Variants in USH2A observed in about 807,000 individuals in gnomAD.
USH2A encodes Usher syndrome 2A (autosomal recessive, mild).
In USH2A, 443 loss-of-function variants were observed where a neutral mutation model predicts 538.9. That is an observed-to-expected ratio of 0.82 (90% confidence interval 0.76 to 0.89). USH2A has a LOEUF of 0.89. USH2A is among the 40% of genes least tolerant of loss of function. USH2A has a pLI of 0.00. For synonymous variants in USH2A, 2,413 were observed against 2,273.5 expected (o/e 1.06, Z -1.75); for missense variants, 6,633 against 6,324.8 (o/e 1.05, Z -1.65).
intron 9 of USH2A, among the ~76,000 whole-genome samples, chr1:216,313,235 T>C (rs1377910823): frequency 6.6e-6 from 1 of 152,158 alleles, no homozygotes; most frequent in Non-Finnish European, 1.5e-5. Context: ...GAAGTAATGA[T>C]AGCTCACCAG....
At chr1:215,826,994 T>C (rs1663176210) in intron 47 of USH2A, among the ~76,000 whole-genome samples, 1 of 151,864 alleles carries the variant, frequency 6.6e-6, no homozygotes, top group African/African-American at 2.4e-5. Flanking sequence ...CAGAAGTGAG[T>C]GTTGGAAAAG....
chr1:216,227,599 T>C (rs150979671), intron 14 of USH2A, among the ~76,000 whole-genome samples: 3 of 152,262 alleles, frequency 2.0e-5, no homozygotes, highest in African/African-American at 7.2e-5. Flanking sequence ...GAACAGGTTA[T>C]TTTTAGGCAA....
At chr1:215,884,284 AC>A (rs1400223496) in intron 41 of USH2A, among the ~76,000 whole-genome samples, 46 of 152,232 alleles carry the variant, frequency 3.0e-4, no homozygotes, top group African/African-American at 1.1e-3. Context: ...CAAACAAAAA[AC>A]ATCGGCATTC....
At chr1:215,873,957 T>C (rs1419795299) in intron 43 of USH2A, among the ~76,000 whole-genome samples, 1 of 152,188 alleles carries the variant, frequency 6.6e-6, no homozygotes, top group Non-Finnish European at 1.5e-5. Flanking sequence ...AATAACCCTA[T>C]TGTTTATTAT....
At chr1:215,691,578 C>T (rs1267408320) in intron 61 of USH2A, among the ~76,000 whole-genome samples, 1 of 152,170 alleles carries the variant, frequency 6.6e-6, no homozygotes, top group South Asian at 2.1e-4. Context: ...CCTGTCTCCT[C>T]CCAATTTTGA....
chr1:215,884,431 C>T (rs1664996998), intron 41 of USH2A, among the ~76,000 whole-genome samples: 1 of 152,094 alleles, frequency 6.6e-6, no homozygotes, highest in African/African-American at 2.4e-5. Flanking sequence ...AACATAGGCT[C>T]CAGAACCCTA....
At chr1:215,969,485 C>G (rs1337612930) in intron 36 of USH2A, among the ~76,000 whole-genome samples, 1 of 152,016 alleles carries the variant, frequency 6.6e-6, no homozygotes, top group African/African-American at 2.4e-5. Context: ...CTACCATTTG[C>G]AGCTTACATT....
rs559834722 is a variant in USH2A, at chr1:215,800,842, A to G, written c.9740-1717T>C. Among the ~76,000 whole-genome samples the G allele has an allele frequency of 2.8e-4, 43 of 152,246 alleles. No individual in the cohort carries two copies. The East Asian group carries it at 7.9e-3, about 28-fold the overall frequency. ...AAAGAAACCACAAGAAAAAAGTTAA[A>G]ATCAATAGCTCTCATGAATATTGAT... On this transcript the variant is annotated intron_variant, in intron 49 of 71. Coordinates refer to ENST00000307340, the MANE Select transcript of USH2A (RefSeq NM_206933.4).
chr1:216,156,137 C>G (rs1224114277), intron 21 of USH2A, among the ~76,000 whole-genome samples: 1 of 152,040 alleles, frequency 6.6e-6, no homozygotes, highest in African/African-American at 2.4e-5. Context: ...TGGCAAGAAT[C>G]TAATTTATAT....
chr1:215,933,526 A>G (rs1214638129), intron 38 of USH2A, among the ~76,000 whole-genome samples: 4 of 152,056 alleles, frequency 2.6e-5, no homozygotes, highest in Non-Finnish European at 4.4e-5. Flanking sequence ...CATTAATTTT[A>G]ATAATGGCAT....
chr1:216,295,027 C>A (rs1462763564), intron 9 of USH2A, among the ~76,000 whole-genome samples: 1 of 151,606 alleles, frequency 6.6e-6, no homozygotes, highest in East Asian at 1.9e-4. Context: ...GAATTTTCAG[C>A]ATAATAGTTA....
intron 21 of USH2A, among the ~76,000 whole-genome samples, chr1:216,109,730 G>A (rs1012192375): frequency 4.6e-5 from 7 of 152,032 alleles, no homozygotes; most frequent in Admixed American, 4.6e-4. Context: ...GATTTTACAG[G>A]AAATATTATC....
chr1:215,805,924 T>C (rs1020023117), intron 49 of USH2A, among the ~76,000 whole-genome samples: 1 of 144,968 alleles, frequency 6.9e-6, no homozygotes, highest in Non-Finnish European at 1.5e-5. Flanking sequence ...TTCAATATTG[T>C]AAGGGACACT....
chr1:216,125,477 G>A (rs1387407723), intron 21 of USH2A, among the ~76,000 whole-genome samples: 4 of 152,276 alleles, frequency 2.6e-5, no homozygotes, highest in Non-Finnish European at 5.9e-5. Context: ...AAACTCTAAA[G>A]AGCAAAATGA....
At chr1:215,775,696 G>A (rs1661442553) in intron 55 of USH2A, among the ~76,000 whole-genome samples, 1 of 152,172 alleles carries the variant, frequency 6.6e-6, no homozygotes, top group Non-Finnish European at 1.5e-5. Context: ...TGTTGTATTG[G>A]TGGTTAAAGT....
At chr1:216,421,420 G>A (rs1162272637) in intron 2 of USH2A, among the ~76,000 whole-genome samples, 4 of 152,092 alleles carry the variant, frequency 2.6e-5, no homozygotes. Flanking sequence ...CAGTCCCAAG[G>A]ACTGGGAGAA....
chr1:215,654,469 C>T (rs1010927039), intron 64 of USH2A, among the ~76,000 whole-genome samples: 14 of 152,196 alleles, frequency 9.2e-5, no homozygotes, highest in African/African-American at 3.4e-4. Flanking sequence ...TGCTGAAATA[C>T]ATTATTATTT....
In USH2A at chr1:216,000,462, T is replaced by C; in HGVS notation, c.6426A>G (p.Pro2142=). ...GAACTGGGGAATCCACGTGTTCTGGTGGCAGCTGTGCTGTGTACAGTAGGA... is the reference window on the plus strand; with the variant it reads ...GAACTGGGGAATCCACGTGTTCTGGCGGCAGCTGTGCTGTGTACAGTAGGA... ...SWVLLYTAQL[P]PEHVDSPVLT... is the part of the protein sequence containing the mutation. Residue 2142 remains proline, a synonymous_variant, in exon 33 of 72, where the codon CCA becomes CCG. Transcript: ENST00000307340. 6.2e-7 allele frequency: 1 copy of C among 1,613,722 alleles called. No individual in the cohort carries two copies. Among genetic ancestry groups the C allele is most frequent in the Non-Finnish European group, 8.5e-7 (1 of 1,179,738 alleles).
intron 21 of USH2A, among the ~76,000 whole-genome samples, chr1:216,101,896 T>A (rs1179553536): frequency 6.6e-6 from 1 of 152,196 alleles, no homozygotes; most frequent in African/African-American, 2.4e-5. Flanking sequence ...TCTAAAAATA[T>A]GAAAAATCCA....
Sources: gnomAD v4.1 joint callset for allele counts (sites outside exome capture counted in the v4.1 genomes callset) on GRCh38, gnomAD v4.1.1 for gene constraint, MANE v1.5 for transcripts, NCBI Gene and HGNC (gene_info 2026-07-23, HGNC 2026-07-21) for gene names.